The following AMMECR1 variants were observed in gnomAD, a reference collection of about 807,000 sequenced individuals.
AMMECR1 encodes the protein nuclear protein AMMECR1.
AMMECR1 carries 3 observed loss-of-function variants against 22.5 expected under a neutral mutation model. That is an observed-to-expected ratio of 0.13 (90% CI 0.06 to 0.35). AMMECR1 has a LOEUF of 0.35. Among genes scored for constraint, AMMECR1 ranks in the 10% least tolerant of loss-of-function variants. AMMECR1 has a pLI of 1.00. For missense variants in AMMECR1, 235 were observed against 278.7 expected, an observed-to-expected ratio of 0.84 and a Z score of 1.12; for synonymous variants, 130 against 116.7, an observed-to-expected ratio of 1.11 and a Z score of -0.74.
rs1602771414 is a variant in AMMECR1, at chrX:110,198,763, T to G, written c.888-129A>C. The stretch of plus-strand genomic sequence containing the variant: ...CGGGGTCCCAGAGAGAAGCAGTGAC[T>G]GCCCAAGGTCACAGAGATAGTAAGT... On this transcript the variant is annotated intron_variant, in intron 5 of 5. Coordinates refer to ENST00000262844, the MANE Select transcript of AMMECR1 (RefSeq NM_015365.3). 6.4e-6 allele frequency: 3 copies of G among 469,773 alleles called. No homozygotes were observed. In the East Asian group the frequency reaches 1.1e-4, roughly 18 times the overall value. 38.7% of individuals were successfully genotyped at this position (469,773 alleles called of 1,213,427 possible). A position where few individuals can be genotyped will look rare whatever the true frequency, so the allele number is the denominator to read the frequency against.
chrX:110,385,463 C>A (rs1303056373), intron 2 of AMMECR1, among the ~76,000 whole-genome samples: 2 of 111,207 alleles, frequency 1.8e-5, no homozygotes, highest in African/African-American at 6.5e-5. Flanking sequence ...AGAAAATATT[C>A]ATTACCCCAA....
At chrX:110,396,972 T>C (rs1329248011) in intron 2 of AMMECR1, among the ~76,000 whole-genome samples, 1 of 110,640 alleles carries the variant, frequency 9.0e-6, no homozygotes, top group African/African-American at 3.3e-5. Context: ...CACCCGTGAG[T>C]TTTTCTCTTC....
chrX:110,257,010 T>C (rs1340072973), intron 2 of AMMECR1, among the ~76,000 whole-genome samples: 1 of 111,647 alleles, frequency 9.0e-6, no homozygotes, highest in African/African-American at 3.2e-5. Context: ...AAGATACAAA[T>C]CTGTCCTCCT....
In AMMECR1 at chrX:110,318,081, G is replaced by A. The variant is rs756711135; in HGVS notation, c.-10C>T. ...AGCAACCCGCCGCCATCTTGGAACA[G>A]TCTCCCCCACGCAGCGTTTCCGACC... On this transcript the variant is annotated 5_prime_UTR_variant, in exon 1 of 6. Coordinates refer to ENST00000262844, the MANE Select transcript of AMMECR1 (RefSeq NM_015365.3). The A allele has an allele frequency of 1.7e-6, 2 of 1,183,788 alleles. No individual in the cohort carries two copies. The highest frequency in any genetic ancestry group is 2.3e-6 in the Non-Finnish European group (2 of 881,548).
chrX:110,344,479 C>G (rs1286020766), intron 2 of AMMECR1, among the ~76,000 whole-genome samples: 2 of 111,479 alleles, frequency 1.8e-5, no homozygotes, highest in Middle Eastern at 4.6e-3. Flanking sequence ...GCAACAAAAG[C>G]CAAAATTGAC....
chrX:110,225,326 A>G (rs1003064895), intron 2 of AMMECR1, among the ~76,000 whole-genome samples: 2 of 112,375 alleles, frequency 1.8e-5, no homozygotes, highest in Admixed American at 1.9e-4. Context: ...AATTAAGAGG[A>G]AACTCATAGA....
At chrX:110,349,748 G>C (rs1024469463) in intron 2 of AMMECR1, among the ~76,000 whole-genome samples, 1 of 111,514 alleles carries the variant, frequency 9.0e-6, no homozygotes, top group African/African-American at 3.3e-5. Context: ...TCTGAGTTAG[G>C]TATTATTATC....
chrX:110,275,749 G>C (rs2067822781), intron 1 of AMMECR1, among the ~76,000 whole-genome samples: 1 of 111,140 alleles, frequency 9.0e-6, no homozygotes, highest in African/African-American at 3.3e-5. Flanking sequence ...AGAATCGCTT[G>C]AACCCAGGGT....
chrX:110,356,010 C>T (rs747271430), intron 2 of AMMECR1, among the ~76,000 whole-genome samples: 4 of 110,622 alleles, frequency 3.6e-5, no homozygotes, highest in South Asian at 3.9e-4. Context: ...TGATCTCCTA[C>T]GTGAAATCTT....
chrX:110,394,809 G>A (rs1034456504), intron 2 of AMMECR1, among the ~76,000 whole-genome samples: 2 of 112,869 alleles, frequency 1.8e-5, no homozygotes, highest in Non-Finnish European at 3.7e-5. Context: ...GTAAGTTGCA[G>A]CACTAGCTTC....
Position 110,217,502 on chromosome X carries a change from T to TACACACACACAC in AMMECR1, c.585-882_585-871dup, listed in dbSNP as rs759487797. Among the ~76,000 whole-genome samples the TACACACACACAC allele has an allele frequency of 7.9e-3, 700 of 88,572 alleles. 12 individuals are homozygous for TACACACACACAC. The highest frequency in any genetic ancestry group is 0.027 in the African/African-American group (674 of 24,944). 76.9% of individuals were successfully genotyped at this position (88,572 alleles called of 115,157 possible). ...ATTCTTCCTGCAACGGAATAGAAAA[T>TACACACACACAC]ACACACACACACACACACACACACA... On this transcript the variant is annotated intron_variant, in intron 2 of 5. Coordinates refer to ENST00000262844, the MANE Select transcript of AMMECR1 (RefSeq NM_015365.3).
chrX:110,407,936 A>G (rs762950863), intron 2 of AMMECR1, among the ~76,000 whole-genome samples: 3 of 112,390 alleles, frequency 2.7e-5, no homozygotes, highest in African/African-American at 9.7e-5. Context: ...CTGACTATCA[A>G]CGGCCTGGGT....
chrX:110,362,553 C>T (rs2068271045), intron 2 of AMMECR1, among the ~76,000 whole-genome samples: 1 of 112,333 alleles, frequency 8.9e-6, no homozygotes, highest in African/African-American at 3.2e-5. Flanking sequence ...GCGACTGTTA[C>T]TCTTATGATA....
chrX:110,284,458 G>A (rs943672205), intron 1 of AMMECR1, among the ~76,000 whole-genome samples: 1 of 112,186 alleles, frequency 8.9e-6, no homozygotes, highest in Non-Finnish European at 1.9e-5. Context: ...CATCAGGGTA[G>A]CTAAGGAGTT....
chrX:110,232,888 T>TC (rs1431681158), intron 2 of AMMECR1, among the ~76,000 whole-genome samples: 8 of 16,322 alleles, frequency 4.9e-4, no homozygotes, highest in Non-Finnish European at 6.8e-4. Flanking sequence ...AGACTCAGTC[T>TC]CAAAAAAAAA....
At chrX:110,423,834 G>A (rs2068736149) in intron 2 of AMMECR1, among the ~76,000 whole-genome samples, 1 of 112,302 alleles carries the variant, frequency 8.9e-6, no homozygotes, top group African/African-American at 3.2e-5. Flanking sequence ...GACGTTAGGT[G>A]TTGCATGGTA....
intron 2 of AMMECR1, among the ~76,000 whole-genome samples, chrX:110,260,701 G>A (rs966986438): frequency 9.0e-6 from 1 of 111,350 alleles, no homozygotes; most frequent in Admixed American, 9.6e-5. Flanking sequence ...TCACTTTTAA[G>A]AGGAAAAAGG....
At chrX:110,254,400 T>A (rs1235233029) in intron 2 of AMMECR1, among the ~76,000 whole-genome samples, 2 of 111,873 alleles carry the variant, frequency 1.8e-5, no homozygotes, top group Non-Finnish European at 3.8e-5. Context: ...AATTTAAAAA[T>A]TTTCATTATG....
At chrX:110,426,658 C>T (rs1228679759) in exon 2 of AMMECR1, 1 of 111,891 alleles carries the variant, frequency 8.9e-6, no homozygotes, top group Non-Finnish European at 1.9e-5. Context: ...GTAAACATAC[C>T]TAGAGTAATT....
Sources: allele counts gnomAD v4.1 joint callset (sites outside exome capture counted in the v4.1 genomes callset), GRCh38; gene constraint gnomAD v4.1.1; transcripts MANE v1.5; gene names NCBI Gene and HGNC (gene_info 2026-07-23, HGNC 2026-07-21).